The following PRPF40B variants were observed in gnomAD, a reference collection of about 807,000 sequenced individuals.
PRPF40B encodes the protein pre-mRNA processing factor 40B, also known as pre-mRNA-processing factor 40 homolog B.
PRPF40B carries 56 observed loss-of-function variants against 124.5 expected under a neutral mutation model. The observed-to-expected ratio is 0.45, with a 90% CI of 0.36 to 0.56. The LOEUF (loss-of-function observed/expected upper bound fraction) is 0.56. PRPF40B is among the 20% of genes least tolerant of loss of function. The pLI is 0.00. For synonymous variants in PRPF40B, 443 were observed against 426.4 expected (o/e 1.04, Z -0.48); for missense variants, 1,053 against 1,169.5 (o/e 0.90, Z 1.45).
At chr12:49,638,270 T>C (rs1326318603) in intron 18 of PRPF40B, 1 of 154,100 alleles carries the variant, frequency 6.5e-6, no homozygotes, top group East Asian at 1.9e-4. Context: ...TCTGTAAAAA[T>C]TTGGAATTTG....
rs761783061 is a variant in PRPF40B, at chr12:49,643,287, G to A, written c.2270G>A (p.Arg757Gln). The A allele has an allele frequency of 1.2e-5, 19 of 1,613,622 alleles. 1 individual carries two copies. Among genetic ancestry groups the A allele is most frequent in the South Asian group, 8.8e-5 (8 of 90,986 alleles). ...PSLRPPKRRR[R>Q]NPSESGSEPS... is the part of the protein sequence containing the mutation. ...CTCCGGCCCCCCAAGCGGAGGAGGC[G>A]GAACCCCTCAGAGTCAGGCTCTGAG... Residue 757 changes from arginine (R) to glutamine (Q), a missense_variant, in exon 23 of 26, where the codon CGG (arginine) becomes CAG (glutamine). Arg to Gln is a conservative substitution (Grantham distance 43). This residue lies in a region of PRPF40B where 895 missense variants were observed against 1,052.2 expected (regional missense o/e 0.85). Transcript: ENST00000548825.
In PRPF40B at chr12:49,641,955, C is replaced by T. The variant is rs1942726312; in HGVS notation, c.1815C>T (p.Ala605=). Reference sequence around the variant, plus strand: ...TGAACACGGCCTTTGAGGACTTCGCCCACGTCATAAGCTTTGACAAGAGGG... The same window carrying T: ...TGAACACGGCCTTTGAGGACTTCGCTCACGTCATAAGCTTTGACAAGAGGG... The part of the protein sequence containing the change: ...VEVNTAFEDF[A]HVISFDKRAA... The change falls in exon 19 of 26, where the codon GCC becomes GCT. Residue 605 remains alanine (A), a synonymous_variant. Coordinates refer to ENST00000548825, the MANE Select transcript of PRPF40B (RefSeq NM_001031698.3). 6.2e-7 allele frequency: 1 copy of T among 1,613,958 alleles called. No individual in the cohort carries two copies. Among genetic ancestry groups the T allele is most frequent in the South Asian group, 1.1e-5 (1 of 91,088 alleles).
rs1290052696 is a variant in PRPF40B, at chr12:49,636,753, G to A, written c.1464G>A (p.Glu488=). The A allele has an allele frequency of 1.9e-6, 3 of 1,614,104 alleles. No individual in the cohort carries two copies. The highest frequency in any genetic ancestry group is 1.6e-4 in the Middle Eastern group (1 of 6,084). Residue 488 remains glutamate (E), a synonymous_variant, in exon 16 of 26, where the codon GAG becomes GAA. Coordinates refer to ENST00000548825, the MANE Select transcript of PRPF40B (RefSeq NM_001031698.3). ...AAGATGCACTGATCTGTTTTGAGGAGCACATCCGAGCTTTGGAGAGGGAAG... is the reference window on the plus strand; with the variant it reads ...AAGATGCACTGATCTGTTTTGAGGAACACATCCGAGCTTTGGAGAGGGAAG... ...DKEDALICFE[E]HIRALEREEE... is the part of the protein sequence containing the mutation.
rs116303247 is a variant in PRPF40B at position 49,626,732 on chromosome 12, C to T, written c.3+3139C>T. On this transcript the variant is annotated intron_variant, in intron 1 of 25. Transcript: ENST00000548825. ...GGGAACCGGTAAGTTCTCAATAAAACGTTGAATCATTGGTGATTTAACCAC... is the reference window on the plus strand; with the variant it reads ...GGGAACCGGTAAGTTCTCAATAAAATGTTGAATCATTGGTGATTTAACCAC... 3.5e-3 allele frequency among the ~76,000 whole-genome samples: 535 copies of T among 152,206 alleles called. 3 individuals are homozygous for T. The highest frequency in any genetic ancestry group is 0.012 in the African/African-American group (493 of 41,534).
At chr12:49,641,822 T>G in intron 18 of PRPF40B, 86 bp from the exon 19 acceptor site, 1 of 1,126,290 alleles carries the variant, frequency 8.9e-7, no homozygotes, top group Non-Finnish European at 1.3e-6. Flanking sequence ...AGGGCCTTCT[T>G]GACCATCTGT....
intron 18 of PRPF40B, chr12:49,638,420 A>G (rs1942144091): frequency 6.6e-6 from 1 of 152,352 alleles, no homozygotes; most frequent in African/African-American, 2.4e-5. Flanking sequence ...CACTTTAGAA[A>G]GGGCAAGTCA....
chr12:49,644,111 C>G lies in PRPF40B; in HGVS notation c.2598C>G (p.Asp866Glu). ...CTTTGCTCCAACAGACAGGCTGGGA[C>G]ACGTCAGAAAGTGAGCTGAGTGAGG... is the stretch of plus-strand genomic sequence containing the variant. ...FGIKKEKTGW[D>E]TSESELSEGE... The change falls in exon 26 of 26, where the codon GAC (aspartate) becomes GAG (glutamate). Residue 866 changes from aspartate (D) to glutamate (E), a missense_variant. By Grantham distance (45) the Asp-to-Glu change is conservative. Coordinates refer to ENST00000548825, the MANE Select transcript of PRPF40B (RefSeq NM_001031698.3). The G allele has an allele frequency of 1.2e-6, 2 of 1,614,156 alleles. No homozygotes were observed. Among genetic ancestry groups the G allele is most frequent in the Non-Finnish European group, 1.7e-6 (2 of 1,180,044 alleles).
chr12:49,636,952 G>T (rs907044841), intron 16 of PRPF40B, 103 bp downstream of exon 16: 6 of 1,548,974 alleles, frequency 3.9e-6, no homozygotes, highest in Non-Finnish European at 5.3e-6. Flanking sequence ...TGTTCTTTCT[G>T]TGCCTAGCCC....
Position 49,634,057 on chromosome 12 carries a change from G to A in PRPF40B, c.777G>A (p.Gln259=), listed in dbSNP as rs1941501568. The A allele has an allele frequency of 1.2e-6, 2 of 1,613,536 alleles. No homozygotes were observed. The highest frequency in any genetic ancestry group is 2.2e-5 in the East Asian group (1 of 44,884). Residue 259 remains glutamine (Q), a synonymous_variant, in exon 10 of 26, where the codon CAG becomes CAA. Coordinates refer to ENST00000548825, the MANE Select transcript of PRPF40B (RefSeq NM_001031698.3). Reference sequence around the variant, plus strand: ...TGGAGGCCACCCAGCCCCTGGAACAGGGGTTCCTGCAGCAGCTGGAGGAGG... The same window carrying A: ...TGGAGGCCACCCAGCCCCTGGAACAAGGGTTCCTGCAGCAGCTGGAGGAGG... ...DVLEATQPLE[Q]GFLQQLEEGP...
intron 18 of PRPF40B, chr12:49,641,003 A>G (rs1003623710): frequency 2.0e-5 from 3 of 152,410 alleles, no homozygotes; most frequent in Non-Finnish European, 2.9e-5. Context: ...GCCATCAGCA[A>G]AAAGGCCAGA....
chr12:49,630,478 T>C (rs1435599245), intron 1 of PRPF40B, 67 bp from the exon 2 acceptor site: 5 of 742,672 alleles, frequency 6.7e-6, no homozygotes, highest in Non-Finnish European at 1.2e-5. Flanking sequence ...CCACTTCTGC[T>C]TCCCTTCTGC....
intron 1 of PRPF40B, among the ~76,000 whole-genome samples, chr12:49,628,487 C>T (rs941179579): frequency 1.3e-5 from 2 of 151,918 alleles, no homozygotes; most frequent in African/African-American, 2.4e-5. Flanking sequence ...AACTCCTTAC[C>T]TCAGGTGATC....
In PRPF40B at chr12:49,636,721, G is replaced by A. The variant is rs546835771; in HGVS notation, c.1432G>A (p.Asp478Asn). The A allele has an allele frequency of 2.5e-6, 4 of 1,614,186 alleles. No homozygotes were observed. The South Asian group carries it at 4.4e-5, about 18-fold the overall frequency. The change falls in exon 16 of 26, where the codon GAC becomes AAC. Residue 478 changes from aspartate to asparagine, a missense_variant. By Grantham distance (23) the Asp-to-Asn change is conservative (BLOSUM62 1). Transcript: ENST00000548825. Reference protein sequence around the residue: ...FAQDHQLQNMDKEDALICFEE... With the variant: ...FAQDHQLQNMNKEDALICFEE... The stretch of plus-strand genomic sequence containing the variant: ...AACCTCCTGCCTGTCTTTAGACATG[G>A]ACAAGGAAGATGCACTGATCTGTTT...
chr12:49,638,142 C>T (rs764586285), intron 18 of PRPF40B: 56 of 298,304 alleles, frequency 1.9e-4, no homozygotes, highest in South Asian at 1.2e-3. Context: ...GGAGTGTACA[C>T]GGGGTACTAA....
chr12:49,636,217 T>A (rs186748633), intron 15 of PRPF40B, among the ~76,000 whole-genome samples: 156 of 152,314 alleles, frequency 1.0e-3, no homozygotes, highest in Non-Finnish European at 1.7e-3. Flanking sequence ...ACATTTTGTG[T>A]CCTTGGAGGA....
intron 18 of PRPF40B, chr12:49,638,232 A>C (rs553976305): frequency 6.6e-5 from 12 of 180,454 alleles, no homozygotes; most frequent in African/African-American, 2.6e-4. Flanking sequence ...GGTAGCACAC[A>C]GATTGTTCTT....
intron 1 of PRPF40B, 171 bp downstream of exon 1, chr12:49,623,764 G>A: frequency 9.0e-7 from 1 of 1,105,478 alleles, no homozygotes; most frequent in Non-Finnish European, 1.1e-6. Context: ...ATGGGGGCGG[G>A]GACTGGGGGC....
chr12:49,642,338 T>C lies in PRPF40B; in HGVS notation c.1988T>C (p.Val663Ala). ...TTTCGAAGCATGCTGAGGCAGGCTG[T>C]GCCTGCTCTGGAGCTAGGCACTGCC... is the stretch of plus-strand genomic sequence containing the variant. ...AAFRSMLRQA[V>A]PALELGTAWE... Residue 663 changes from valine to alanine, a missense_variant, in exon 20 of 26, where the codon GTG becomes GCG. By Grantham distance (64) the Val-to-Ala change is moderately conservative. This residue lies in a region of PRPF40B where 895 missense variants were observed against 1,052.2 expected (regional missense o/e 0.85). Coordinates refer to ENST00000548825, the MANE Select transcript of PRPF40B (RefSeq NM_001031698.3). The surrounding 1 kb of genome is among the most constrained non-coding windows in gnomAD (Gnocchi z 5.8). The C allele has an allele frequency of 6.2e-7, 1 of 1,614,012 alleles. No individual in the cohort carries two copies. Among genetic ancestry groups the C allele is most frequent in the Non-Finnish European group, 8.5e-7 (1 of 1,180,030 alleles).
In PRPF40B at chr12:49,634,538, G is replaced by C. The variant is rs757840858; in HGVS notation, c.937G>C (p.Ala313Pro). The C allele has an allele frequency of 6.2e-7, 1 of 1,614,110 alleles. No homozygotes were observed. Among genetic ancestry groups the C allele is most frequent in the East Asian group, 2.2e-5 (1 of 44,900 alleles). ...QAFKELLRDK[A>P]VPSNASWEQA... ...ATGACTCCCACCTGCTTCATTCCAG[G>C]CTGTCCCCTCCAATGCCTCATGGGA... The change falls in exon 12 of 26, where the codon GCT (alanine) becomes CCT (proline). Residue 313 changes from alanine (A) to proline (P), a missense_variant and splice_region_variant. By Grantham distance (27) the Ala-to-Pro change is conservative (BLOSUM62 -1). This residue lies in a region of PRPF40B where 895 missense variants were observed against 1,052.2 expected (regional missense o/e 0.85). Coordinates refer to ENST00000548825, the MANE Select transcript of PRPF40B (RefSeq NM_001031698.3).
Sources: gnomAD v4.1 joint callset for allele counts (sites outside exome capture counted in the v4.1 genomes callset) on GRCh38, gnomAD v4.1.1 for gene constraint, gnomAD v4.1.1 regional missense constraint, Gnocchi (gnomAD v3.1) non-coding constraint, MANE v1.5 for transcripts, NCBI Gene and HGNC (gene_info 2026-07-23, HGNC 2026-07-21) for gene names.